Variants in ACTR3C observed in about 807,000 individuals in gnomAD.
ACTR3C encodes the protein actin related protein 3C, also known as actin-related protein 3C.
Under a neutral mutation model 26.3 loss-of-function variants are expected in ACTR3C, and 18 were observed. That is an observed-to-expected ratio of 0.68 (90% CI 0.47 to 1.01). The LOEUF is 1.01. ACTR3C is among the 50% of genes least tolerant of loss of function. The pLI is 0.00. For synonymous variants in ACTR3C, 55 were observed against 94.5 expected (o/e 0.58, Z 2.42); for missense variants, 184 against 250.7 (o/e 0.73, Z 1.80).
At chr7:149,997,347 C>A in the ACTR3C span, among the ~76,000 whole-genome samples, 3 of 151,986 alleles carry the variant, frequency 2.0e-5, no homozygotes, top group Admixed American at 6.5e-5. Flanking sequence ...TATTCATTCC[C>A]TGATTTTTTT....
chr7:150,132,590 G>GT, the ACTR3C span, among the ~76,000 whole-genome samples: 4 of 152,070 alleles, frequency 2.6e-5, no homozygotes, highest in Non-Finnish European at 5.9e-5. Flanking sequence ...CAACTCGATG[G>GT]TTTTTTTAAA....
chr7:150,312,474 G>A (rs775925960), intron 1 of ACTR3C, among the ~76,000 whole-genome samples: 8 of 152,152 alleles, frequency 5.3e-5, no homozygotes, highest in Non-Finnish European at 1.0e-4. Flanking sequence ...AAAAGCTTTG[G>A]TATGTAAAAC....
chr7:150,186,070 C>T, the ACTR3C span, among the ~76,000 whole-genome samples: 3 of 152,256 alleles, frequency 2.0e-5, no homozygotes, highest in African/African-American at 4.8e-5. Flanking sequence ...CAGTCCAGAG[C>T]TGGTGGAAGA....
the ACTR3C span, among the ~76,000 whole-genome samples, chr7:150,125,679 C>T: frequency 6.6e-6 from 1 of 152,110 alleles, no homozygotes; most frequent in Non-Finnish European, 1.5e-5. Context: ...TTAAGATTCC[C>T]ACTATGTACC....
chr7:150,294,303 C>A (rs992717518), intron 2 of ACTR3C, among the ~76,000 whole-genome samples: 1 of 152,222 alleles, frequency 6.6e-6, no homozygotes, highest in Non-Finnish European at 1.5e-5. Context: ...GCAATGCACA[C>A]GGCGGCGCCC....
the ACTR3C span, among the ~76,000 whole-genome samples, chr7:150,035,149 G>GC: frequency 1.5e-5 from 2 of 137,004 alleles, no homozygotes; most frequent in South Asian, 2.5e-4. Flanking sequence ...GATCAACGAT[G>GC]GGGGTCCTAA....
In ACTR3C at chr7:150,261,430, A is replaced by G. The variant is rs994815286; in HGVS notation, c.565-12376T>C. On this transcript the variant is annotated intron_variant, in intron 6 of 7. Coordinates refer to ENST00000683684, the MANE Select transcript of ACTR3C (RefSeq NM_001164458.2). ...CTTTTGCCCATTTAACATTCTGACA[A>G]ATTTGAGTCCATACATTTTTATTAC... Among the ~76,000 whole-genome samples the G allele has an allele frequency of 7.2e-5, 11 of 152,170 alleles. 1 individual carries two copies. The highest frequency in any genetic ancestry group is 3.3e-4 in the Admixed American group (5 of 15,286).
the ACTR3C span, among the ~76,000 whole-genome samples, chr7:150,126,633 T>C: frequency 1.3e-5 from 2 of 152,212 alleles, no homozygotes; most frequent in Non-Finnish European, 2.9e-5. Flanking sequence ...GATGCAATCC[T>C]GCAGTGCCTT....
At chr7:150,129,195 T>G in the ACTR3C span, among the ~76,000 whole-genome samples, 2 of 151,934 alleles carry the variant, frequency 1.3e-5, no homozygotes, top group Middle Eastern at 6.3e-3. Context: ...AAGAGGAAAT[T>G]TATGGCATTT....
chr7:150,039,572 C>T, the ACTR3C span, among the ~76,000 whole-genome samples: 3 of 146,072 alleles, frequency 2.1e-5, no homozygotes, highest in Admixed American at 2.0e-4. Flanking sequence ...GGGACTGGCT[C>T]TCAGTAATCC....
the ACTR3C span, among the ~76,000 whole-genome samples, chr7:150,149,079 GTATATATATATATATATATATATATATA>G: frequency 6.1e-4 from 57 of 93,152 alleles, no homozygotes; most frequent in East Asian, 2.0e-3. Flanking sequence ...TAAAGTTTGA[GTATATATATATATATATATATATATATA>G]TATATATATA....
the ACTR3C span, among the ~76,000 whole-genome samples, chr7:149,898,174 GAA>G: frequency 0.17 from 25,105 of 151,782 alleles, 2,260 homozygotes; most frequent in Non-Finnish European, 0.22. Flanking sequence ...ACATGGGCTA[GAA>G]AAGTCTTGTG....
the ACTR3C span, among the ~76,000 whole-genome samples, chr7:150,211,408 A>G: frequency 6.6e-6 from 1 of 151,640 alleles, no homozygotes; most frequent in Non-Finnish European, 1.5e-5. Context: ...CAGCCTCCAG[A>G]GTAGTTGGGA....
chr7:150,230,281 C>T, the ACTR3C span, among the ~76,000 whole-genome samples: 1 of 152,036 alleles, frequency 6.6e-6, no homozygotes, highest in African/African-American at 2.4e-5. Context: ...ACCATTTGGG[C>T]CTGCTGTTTT....
At chr7:150,236,629 C>T in the ACTR3C span, among the ~76,000 whole-genome samples, 2 of 152,070 alleles carry the variant, frequency 1.3e-5, no homozygotes, top group African/African-American at 2.4e-5. Context: ...GATTACATAA[C>T]CCCAGGCTAG....
chr7:150,035,014 G>A, the ACTR3C span, among the ~76,000 whole-genome samples: 1 of 143,268 alleles, frequency 7.0e-6, no homozygotes, highest in African/African-American at 2.6e-5. Flanking sequence ...GGTCCTCAGA[G>A]CCAGGGGGGG....
the ACTR3C span, among the ~76,000 whole-genome samples, chr7:150,118,940 T>A: frequency 4.3e-5 from 6 of 141,002 alleles, no homozygotes; most frequent in Non-Finnish European, 6.2e-5. Context: ...TCAACATTCT[T>A]AAAAAAAAAA....
the ACTR3C span, among the ~76,000 whole-genome samples, chr7:150,105,371 C>T: frequency 1.1e-4 from 17 of 151,946 alleles, 1 homozygote; most frequent in Admixed American, 2.6e-4. Context: ...CATAAGCCAC[C>T]GCCCCCGGCC....
chr7:150,289,521 G>C lies in ACTR3C; in HGVS notation c.226C>G (p.Gln76Glu). ...ACCTCCCTCTCCCTTAGCAGCTGTTGAATGAAATACGTAATATCTCTACCT... is the reference window on the plus strand; with the variant it reads ...ACCTCCCTCTCCCTTAGCAGCTGTTCAATGAAATACGTAATATCTCTACCT... Reference protein sequence around the residue: ...IAGRDITYFIQQLLREREVGI... With the variant: ...IAGRDITYFIEQLLREREVGI... The change falls in exon 4 of 8, where the codon CAA (glutamine) becomes GAA (glutamate). Residue 76 changes from glutamine to glutamate, a missense_variant. Physicochemically the swap from Gln to Glu is conservative, Grantham distance 29. Transcript: ENST00000683684. The C allele has an allele frequency of 6.2e-7, 1 of 1,603,740 alleles. No homozygotes were observed.
Sources: allele counts gnomAD v4.1 joint callset (sites outside exome capture counted in the v4.1 genomes callset), GRCh38; gene constraint gnomAD v4.1.1; transcripts MANE v1.5; gene names NCBI Gene and HGNC (gene_info 2026-07-23, HGNC 2026-07-21).